HS3ST5: variants seen among roughly 807,000 people sequenced by gnomAD.
HS3ST5 encodes the protein heparan sulfate-glucosamine 3-sulfotransferase 5.
Under a neutral mutation model 25.4 loss-of-function variants are expected in HS3ST5, and 10 were observed. The observed-to-expected ratio is 0.39, with a 90% CI of 0.24 to 0.67. The LOEUF (loss-of-function observed/expected upper bound fraction) is 0.67, where lower values mean the gene tolerates loss of function less well. HS3ST5 is among the 30% of genes least tolerant of loss of function. The probability of loss-of-function intolerance (pLI) is 0.44; values close to 1 mark genes in which losing one functional copy is unlikely to be tolerated. For synonymous variants in HS3ST5, 170 were observed against 162.4 expected (o/e 1.05, Z -0.36); for missense variants, 324 against 420.7 (o/e 0.77, Z 2.01).
chr6:114,259,925 A>G (rs1773093327), intron 1 of HS3ST5, among the ~76,000 whole-genome samples: 2 of 152,196 alleles, frequency 1.3e-5, no homozygotes, highest in African/African-American at 4.8e-5. Context: ...TTAAAATGGA[A>G]TTTTTTATTT....
intron 3 of HS3ST5, among the ~76,000 whole-genome samples, chr6:114,078,832 A>G (rs1774291600): frequency 6.6e-6 from 1 of 152,204 alleles, no homozygotes; most frequent in Non-Finnish European, 1.5e-5. Context: ...CTTGAGTAGT[A>G]TAGGCACACC....
At chr6:114,118,942 C>A (rs1363786864) in intron 3 of HS3ST5, among the ~76,000 whole-genome samples, 1 of 152,028 alleles carries the variant, frequency 6.6e-6, no homozygotes, top group Non-Finnish European at 1.5e-5. Context: ...GGACTAAGAC[C>A]AAGAGGAACA....
At chr6:114,143,193 T>C (rs1350069648) in intron 3 of HS3ST5, among the ~76,000 whole-genome samples, 2 of 152,244 alleles carry the variant, frequency 1.3e-5, no homozygotes, top group Non-Finnish European at 2.9e-5. Context: ...CTTGGTTTTC[T>C]CATCTTGGAA....
intron 3 of HS3ST5, among the ~76,000 whole-genome samples, chr6:114,092,983 G>T (rs1404224371): frequency 2.0e-5 from 3 of 152,034 alleles, no homozygotes. Flanking sequence ...CCGATGTCAG[G>T]CATTTCATAT....
chr6:114,333,252 T>C (rs1433833432), intron 1 of HS3ST5, among the ~76,000 whole-genome samples: 1 of 152,228 alleles, frequency 6.6e-6, no homozygotes, highest in Non-Finnish European at 1.5e-5. Context: ...GAGATGATCT[T>C]GAGGTACCTA....
At chr6:114,062,319 C>T (rs1773164800) in intron 4 of HS3ST5, among the ~76,000 whole-genome samples, 1 of 152,146 alleles carries the variant, frequency 6.6e-6, no homozygotes, top group Non-Finnish European at 1.5e-5. Context: ...CCTTTAGAGG[C>T]TCATACATAA....
intron 1 of HS3ST5, among the ~76,000 whole-genome samples, chr6:114,254,454 AAGAGAGTTG>A (rs1479176335): frequency 3.3e-5 from 5 of 152,242 alleles, no homozygotes; most frequent in Non-Finnish European, 7.3e-5. Flanking sequence ...CAAGTCAAGA[AAGAGAGTTG>A]AGTCTCTTGA....
intron 1 of HS3ST5, among the ~76,000 whole-genome samples, chr6:114,243,441 A>C (rs1424142085): frequency 1.3e-5 from 2 of 152,210 alleles, no homozygotes; most frequent in Non-Finnish European, 2.9e-5. Flanking sequence ...AAGATACTCT[A>C]GCAAGAGCTG....
chr6:114,308,365 C>A (rs1185319590), intron 1 of HS3ST5, among the ~76,000 whole-genome samples: 1 of 152,110 alleles, frequency 6.6e-6, no homozygotes, highest in Non-Finnish European at 1.5e-5. Flanking sequence ...GCGGGCAGAT[C>A]ACGAGGTCAG....
chr6:114,146,813 T>C (rs1237039384), intron 3 of HS3ST5, among the ~76,000 whole-genome samples: 1 of 152,194 alleles, frequency 6.6e-6, no homozygotes, highest in Non-Finnish European at 1.5e-5. Context: ...TGCCATGTGA[T>C]ATTCCTGCTC....
At chr6:114,150,293 C>G (rs1481579949) in intron 3 of HS3ST5, among the ~76,000 whole-genome samples, 1 of 152,164 alleles carries the variant, frequency 6.6e-6, no homozygotes, top group Non-Finnish European at 1.5e-5. Flanking sequence ...CCTACGTTCA[C>G]ACAACCGCTA....
rs1344534933 is a variant in HS3ST5, at chr6:114,308,211, C to T, written c.-339+33984G>A. 2.0e-5 allele frequency among the ~76,000 whole-genome samples: 3 copies of T among 152,112 alleles called. No homozygotes were observed. In the East Asian group the frequency reaches 5.8e-4, roughly 29 times the overall value. ...TAAATTGAATTTTAAAAAATTATCTCTGGAGCATAAGTCTCTTAAACTTAA... is the reference window on the plus strand; with the variant it reads ...TAAATTGAATTTTAAAAAATTATCTTTGGAGCATAAGTCTCTTAAACTTAA... On this transcript the variant is annotated intron_variant, in intron 1 of 4. Transcript: ENST00000312719.
intron 1 of HS3ST5, among the ~76,000 whole-genome samples, chr6:114,269,820 T>C (rs555415433): frequency 7.2e-5 from 11 of 152,288 alleles, no homozygotes; most frequent in South Asian, 4.1e-4. Flanking sequence ...ATCCCCTCAG[T>C]TTATAGATGA....
intron 2 of HS3ST5, among the ~76,000 whole-genome samples, chr6:114,190,909 G>A (rs1304390713): frequency 1.3e-5 from 2 of 152,164 alleles, no homozygotes; most frequent in Non-Finnish European, 1.5e-5. Context: ...ATTGCCATCT[G>A]TCCTGGTTTC....
intron 2 of HS3ST5, among the ~76,000 whole-genome samples, chr6:114,221,713 G>T (rs978138768): frequency 1.3e-5 from 2 of 151,548 alleles, no homozygotes; most frequent in African/African-American, 4.8e-5. Flanking sequence ...TTATCTAATG[G>T]TTCCATAATG....
At chr6:114,244,171 A>G (rs894057508) in intron 1 of HS3ST5, among the ~76,000 whole-genome samples, 1 of 152,218 alleles carries the variant, frequency 6.6e-6, no homozygotes, top group Non-Finnish European at 1.5e-5. Context: ...TTCCCTTTAC[A>G]AGACTGGAAA....
At chr6:114,058,481 A>G in intron 4 of HS3ST5, 1 of 291,768 alleles carries the variant, frequency 3.4e-6, no homozygotes, top group Non-Finnish European at 6.4e-6. Context: ...GACAAGTGGC[A>G]CCAGCCATAC....
chr6:114,112,735 T>C (rs978302747), intron 3 of HS3ST5, among the ~76,000 whole-genome samples: 3 of 152,198 alleles, frequency 2.0e-5, no homozygotes, highest in Admixed American at 6.5e-5. Flanking sequence ...AAGATAATTA[T>C]TTTACAACTT....
chr6:114,146,302 C>G (rs1778159085), intron 3 of HS3ST5, among the ~76,000 whole-genome samples: 1 of 152,184 alleles, frequency 6.6e-6, no homozygotes, highest in Non-Finnish European at 1.5e-5. Flanking sequence ...CTTTGTTCCT[C>G]CCTTACAGAA....
Sources: gnomAD v4.1 joint callset for allele counts (sites outside exome capture counted in the v4.1 genomes callset) on GRCh38, gnomAD v4.1.1 for gene constraint, MANE v1.5 for transcripts, NCBI Gene and HGNC (gene_info 2026-07-23, HGNC 2026-07-21) for gene names.